Variants in STOX2 observed in about 807,000 individuals in gnomAD.
The protein encoded by STOX2 is storkhead-box protein 2.
Under a neutral mutation model 60.9 loss-of-function variants are expected in STOX2, and 28 were observed. The ratio of observed to expected loss-of-function variants is 0.46; its 90% CI spans 0.34 to 0.63. STOX2 has a LOEUF of 0.63. STOX2 is among the 30% of genes least tolerant of loss of function. The pLI is 0.01. For synonymous variants in STOX2, 472 were observed against 463.9 expected (o/e 1.02, Z -0.22); for missense variants, 1,024 against 1,187.7 (o/e 0.86, Z 2.03).
chr4:183,932,485 T>C (rs542939799), intron 1 of STOX2, among the ~76,000 whole-genome samples: 21 of 138,402 alleles, frequency 1.5e-4, no homozygotes. Context: ...ATACATACAG[T>C]ATATGTATGT....
intron 1 of STOX2, among the ~76,000 whole-genome samples, chr4:183,931,545 G>C (rs1357816427): frequency 2.0e-5 from 3 of 152,176 alleles, no homozygotes; most frequent in Non-Finnish European, 4.4e-5. Context: ...AAGTGTCTAG[G>C]AACAGTGAAA....
At chr4:183,965,524 G>T (rs955167363) in intron 1 of STOX2, among the ~76,000 whole-genome samples, 2 of 152,086 alleles carry the variant, frequency 1.3e-5, no homozygotes, top group Admixed American at 1.3e-4. Flanking sequence ...TATTCTAGAA[G>T]AATATCTTTC....
intron 1 of STOX2, among the ~76,000 whole-genome samples, chr4:183,916,974 C>T (rs1741950036): frequency 6.6e-6 from 1 of 152,208 alleles, no homozygotes; most frequent in African/African-American, 2.4e-5. Flanking sequence ...ACTTCTTGCG[C>T]ACCTCTGAAA....
rs530904231 is a variant in STOX2 at position 183,984,069 on chromosome 4, A to G, written c.167-17256A>G. On this transcript the variant is annotated intron_variant, in intron 1 of 3. Transcript: ENST00000308497. Reference sequence around the variant, plus strand: ...ACCTCCCTCCCATCCACACCTCCACACCTTGTCCATGCTTCCTCCCTGCAG... The same window carrying G: ...ACCTCCCTCCCATCCACACCTCCACGCCTTGTCCATGCTTCCTCCCTGCAG... 5.3e-5 allele frequency among the ~76,000 whole-genome samples: 8 copies of G among 151,754 alleles called. No individual in the cohort carries two copies. The South Asian group carries it at 1.7e-3, about 32-fold the overall frequency.
Position 184,009,944 on chromosome 4 carries a change from A to T in STOX2, c.1106A>T (p.Lys369Met). The change falls in exon 3 of 4, where the codon AAG becomes ATG. Residue 369 changes from lysine (K) to methionine (M), a missense_variant. Physicochemically the swap from Lys to Met is moderately conservative, Grantham distance 95. Coordinates refer to ENST00000308497, the MANE Select transcript of STOX2 (RefSeq NM_020225.3). The surrounding 1 kb of genome is among the most constrained non-coding windows in gnomAD (Gnocchi z 4.0). ...AGGACTCATCGGAAGTCCCATGGAA[A>T]GTCTCGGTCTCACAGCAAGACACGG... ...KSRTHRKSHG[K>M]SRSHSKTRVS... 1 of 1,613,672 alleles carries T rather than the reference A, an allele frequency of 6.2e-7. No homozygotes were observed. The highest frequency in any genetic ancestry group is 8.5e-7 in the Non-Finnish European group (1 of 1,179,776).
chr4:183,879,027 A>C (rs866381160), intron 1 of STOX2, among the ~76,000 whole-genome samples: 3 of 152,004 alleles, frequency 2.0e-5, no homozygotes, highest in African/African-American at 7.3e-5. Flanking sequence ...AGGACTTGGC[A>C]CTTACAGATC....
intron 1 of STOX2, among the ~76,000 whole-genome samples, chr4:183,834,568 A>G (rs1410026111): frequency 6.6e-6 from 1 of 152,226 alleles, no homozygotes; most frequent in East Asian, 1.9e-4. Flanking sequence ...GTGCATTTAT[A>G]TAAGGGAAGG....
rs1420114835 is a variant in STOX2, at chr4:184,018,689, C to T, written c.*1405C>T. ...TTTGTTAACATTTTGCTTTGGTTTA[C>T]AATGTCATGTTGAACACAAAGAAGA... On this transcript the variant is annotated 3_prime_UTR_variant, in exon 4 of 4. Coordinates refer to ENST00000308497, the MANE Select transcript of STOX2 (RefSeq NM_020225.3). 1.3e-5 allele frequency: 2 copies of T among 152,160 alleles called. No homozygotes were observed. Among genetic ancestry groups the T allele is most frequent in the African/African-American group, 2.4e-5 (1 of 41,434 alleles). 9.4% of individuals were successfully genotyped at this position (152,160 alleles called of 1,614,324 possible). A position where few individuals can be genotyped will look rare whatever the true frequency, so the allele number is the denominator to read the frequency against.
intron 1 of STOX2, among the ~76,000 whole-genome samples, chr4:183,943,789 A>G (rs1396046836): frequency 6.6e-6 from 1 of 152,232 alleles, no homozygotes; most frequent in Admixed American, 6.5e-5. Context: ...AGGCAGAAGA[A>G]TTGCTTGAAT....
chr4:183,963,906 G>A, intron 1 of STOX2, among the ~76,000 whole-genome samples: 1 of 151,420 alleles, frequency 6.6e-6, no homozygotes, highest in East Asian at 1.9e-4. Context: ...CTCCCTAGTA[G>A]CTGGGACTAC....
chr4:183,800,669 T>C (rs918265677), intron 1 of STOX2, among the ~76,000 whole-genome samples: 11 of 152,230 alleles, frequency 7.2e-5, no homozygotes, highest in Non-Finnish European at 1.5e-4. Flanking sequence ...AATAGTCCTC[T>C]GAAATAACTG....
At position 184,011,154 on chromosome 4, in the gene STOX2, C is replaced by G; in HGVS notation, c.2316C>G (p.Asp772Glu). 6.3e-7 allele frequency: 1 copy of G among 1,577,486 alleles called. No individual in the cohort carries two copies. The highest frequency in any genetic ancestry group is 8.6e-7 in the Non-Finnish European group (1 of 1,164,688). Residue 772 changes from aspartate (D) to glutamate (E), a missense_variant, in exon 3 of 4, where the codon GAC becomes GAG. Transcript: ENST00000308497. The surrounding 1 kb of genome is among the most constrained non-coding windows in gnomAD (Gnocchi z 4.4). ...GAGGGAACCAGGAAGCCTCTTTTGA[C>G]TATTACAACGTCTCTGATGATGACG... The part of the protein sequence containing the change: ...ESGGNQEASF[D>E]YYNVSDDDDS...
At chr4:183,945,314 A>AT (rs1250621800) in intron 1 of STOX2, among the ~76,000 whole-genome samples, 1 of 152,174 alleles carries the variant, frequency 6.6e-6, no homozygotes, top group Non-Finnish European at 1.5e-5. Context: ...GAAAAATCTG[A>AT]TTTTAACATG....
At chr4:183,879,443 T>C (rs4862263) in intron 1 of STOX2, among the ~76,000 whole-genome samples, 148,180 of 152,334 alleles carry the variant, frequency 0.97, 72,203 homozygotes, top group East Asian at 1. Flanking sequence ...TTCTCGGGTG[T>C]TTGTGCATCG....
intron 1 of STOX2, among the ~76,000 whole-genome samples, chr4:183,990,798 A>G (rs1733076368): frequency 6.6e-6 from 1 of 151,878 alleles, no homozygotes; most frequent in Non-Finnish European, 1.5e-5. Flanking sequence ...TGTTGCCGTA[A>G]AGGACAAATG....
intron 1 of STOX2, among the ~76,000 whole-genome samples, chr4:183,956,983 A>T (rs1299404693): frequency 8.7e-6 from 1 of 114,510 alleles, no homozygotes; most frequent in East Asian, 2.7e-4. Context: ...GGACACAGGA[A>T]GGGGAACATC....
intron 1 of STOX2, among the ~76,000 whole-genome samples, chr4:183,832,367 T>A (rs1038850135): frequency 1.3e-5 from 2 of 152,164 alleles, no homozygotes; most frequent in East Asian, 3.8e-4. Flanking sequence ...CTCCTAGTTG[T>A]ATGCTTATCT....
Position 183,856,441 on chromosome 4 carries a change from C to T in STOX2, c.364+58386C>T, listed in dbSNP as rs1274694648. Among the ~76,000 whole-genome samples, 2 of 152,220 alleles carry T rather than the reference C, an allele frequency of 1.3e-5. No individual in the cohort carries two copies. Among genetic ancestry groups the T allele is most frequent in the Admixed American group, 1.3e-4 (2 of 15,286 alleles). On this transcript the variant is annotated intron_variant, in intron 1 of 2. Transcript: ENST00000513034. The surrounding 1 kb of genome is among the most constrained non-coding windows in gnomAD (Gnocchi z 4.0). ...ACACTTAAAGTAGTGTGTGATTCAA[C>T]TTACTTGCTAACCTCGTATTTGACA...
chr4:183,824,486 T>A (rs1739376986), intron 1 of STOX2, among the ~76,000 whole-genome samples: 1 of 152,176 alleles, frequency 6.6e-6, no homozygotes, highest in African/African-American at 2.4e-5. Context: ...CTCTGAGAGC[T>A]TCTCAAATAA....
Sources: allele counts gnomAD v4.1 joint callset (sites outside exome capture counted in the v4.1 genomes callset), GRCh38; gene constraint gnomAD v4.1.1; non-coding constraint Gnocchi (gnomAD v3.1); transcripts MANE v1.5; gene names NCBI Gene and HGNC (gene_info 2026-07-23, HGNC 2026-07-21).